PTPRK: variants seen among roughly 807,000 people sequenced by gnomAD.
PTPRK encodes the protein receptor-type tyrosine-protein phosphatase kappa.
PTPRK carries 75 observed loss-of-function variants against 178.0 expected under a neutral mutation model. The ratio of observed to expected loss-of-function variants is 0.42; its 90% CI spans 0.35 to 0.51. The LOEUF (loss-of-function observed/expected upper bound fraction) is 0.51. PTPRK is among the 20% of genes least tolerant of loss of function. PTPRK has a pLI of 0.02. For missense variants in PTPRK, 1,441 were observed against 1,797.8 expected (o/e 0.80, Z 3.59); for synonymous variants, 637 against 620.6 (o/e 1.03, Z -0.39).
intron 7 of PTPRK, among the ~76,000 whole-genome samples, chr6:128,156,815 G>C (rs1019471262): frequency 6.6e-6 from 1 of 151,874 alleles, no homozygotes; most frequent in Non-Finnish European, 1.5e-5. Flanking sequence ...ATTTATACAT[G>C]TGTCTGTATG....
At chr6:128,291,853 G>C (rs1044713270) in intron 3 of PTPRK, among the ~76,000 whole-genome samples, 4 of 152,112 alleles carry the variant, frequency 2.6e-5, no homozygotes, top group Non-Finnish European at 5.9e-5. Context: ...TTATGCTACA[G>C]TGTGGCCCTG....
chr6:128,292,679 G>A (rs1049572480), intron 3 of PTPRK, among the ~76,000 whole-genome samples: 6 of 152,030 alleles, frequency 3.9e-5, no homozygotes, highest in Non-Finnish European at 5.9e-5. Context: ...TAGGGCATCC[G>A]TCCTATGAAT....
At chr6:128,419,309 A>C (rs1402198195) in intron 1 of PTPRK, among the ~76,000 whole-genome samples, 1 of 152,168 alleles carries the variant, frequency 6.6e-6, no homozygotes, top group African/African-American at 2.4e-5. Context: ...TAAATATTAG[A>C]AAGTGAAAAG....
intron 7 of PTPRK, among the ~76,000 whole-genome samples, chr6:128,145,627 AAAC>A (rs1329654108): frequency 1.3e-5 from 2 of 152,302 alleles, no homozygotes; most frequent in African/African-American, 2.4e-5. Flanking sequence ...TGAGATTTAA[AAAC>A]AACAGTGCCA....
chr6:128,101,419 G>T (rs958959279), intron 7 of PTPRK, among the ~76,000 whole-genome samples: 5 of 151,982 alleles, frequency 3.3e-5, no homozygotes, highest in African/African-American at 1.2e-4. Context: ...AGACATCATT[G>T]GCTCTTCTGT....
intron 25 of PTPRK, 98 bp from the exon 26 acceptor site, chr6:127,977,152 A>G: frequency 8.2e-7 from 1 of 1,219,218 alleles, no homozygotes. Flanking sequence ...GACCAGTAAG[A>G]TGCAATAGCT....
At chr6:128,190,801 G>A (rs1159132700) in intron 6 of PTPRK, among the ~76,000 whole-genome samples, 2 of 152,006 alleles carry the variant, frequency 1.3e-5, no homozygotes, top group Non-Finnish European at 2.9e-5. Flanking sequence ...GCCTGGCCTG[G>A]AGACCTTTTT....
chr6:127,987,437 T>A (rs1007354067), intron 21 of PTPRK, among the ~76,000 whole-genome samples: 1 of 152,134 alleles, frequency 6.6e-6, no homozygotes, highest in African/African-American at 2.4e-5. Flanking sequence ...AATCAGGAAC[T>A]ATATCGTTCT....
At chr6:128,144,757 AG>A (rs1583206652) in intron 7 of PTPRK, among the ~76,000 whole-genome samples, 1 of 152,202 alleles carries the variant, frequency 6.6e-6, no homozygotes, top group African/African-American at 2.4e-5. Context: ...GCCACAAAGT[AG>A]GTATTTAATA....
intron 1 of PTPRK, among the ~76,000 whole-genome samples, chr6:128,439,159 T>A (rs2128399416): frequency 6.6e-6 from 1 of 152,248 alleles, no homozygotes; most frequent in African/African-American, 2.4e-5. Flanking sequence ...GAATCAAACA[T>A]TTAGGAGCAA....
chr6:128,223,275 C>T (rs901181612), intron 5 of PTPRK, among the ~76,000 whole-genome samples: 2 of 151,792 alleles, frequency 1.3e-5, no homozygotes, highest in Admixed American at 1.3e-4. Context: ...TCACATAAAT[C>T]CTCCTTAGGC....
At chr6:128,208,707 T>A (rs561285606) in intron 6 of PTPRK, among the ~76,000 whole-genome samples, 1 of 152,166 alleles carries the variant, frequency 6.6e-6, no homozygotes, top group Non-Finnish European at 1.5e-5. Context: ...GGCTAAAGGC[T>A]ATGAAATGGA....
At chr6:128,313,911 A>C (rs1827617367) in intron 3 of PTPRK, among the ~76,000 whole-genome samples, 1 of 152,186 alleles carries the variant, frequency 6.6e-6, no homozygotes, top group Non-Finnish European at 1.5e-5. Context: ...CCCTTGATAA[A>C]AATTATCTGA....
chr6:128,275,894 C>T (rs1458985202), intron 3 of PTPRK, among the ~76,000 whole-genome samples: 2 of 151,838 alleles, frequency 1.3e-5, no homozygotes, highest in Non-Finnish European at 1.5e-5. Context: ...TTTTCTTTGC[C>T]ACATGATATA....
intron 7 of PTPRK, among the ~76,000 whole-genome samples, chr6:128,177,792 G>A (rs1402042453): frequency 6.6e-6 from 1 of 151,754 alleles, no homozygotes; most frequent in Non-Finnish European, 1.5e-5. Flanking sequence ...TTAGCAGAAT[G>A]TATAGGTGTT....
intron 15 of PTPRK, chr6:128,001,250 G>C: frequency 1.4e-6 from 2 of 1,471,358 alleles, no homozygotes; most frequent in East Asian, 2.5e-5. Context: ...CCAAAAATAC[G>C]AATCAGTATG....
intron 2 of PTPRK, among the ~76,000 whole-genome samples, chr6:128,330,773 C>T (rs1830158385): frequency 6.6e-6 from 1 of 152,024 alleles, no homozygotes; most frequent in South Asian, 2.1e-4. Flanking sequence ...CTGGTGCCTG[C>T]CTTCCTCTCC....
intron 2 of PTPRK, among the ~76,000 whole-genome samples, chr6:128,341,406 A>T (rs1831640242): frequency 6.6e-6 from 1 of 152,202 alleles, no homozygotes; most frequent in Admixed American, 6.5e-5. Context: ...ACTCAGACTC[A>T]AACAGAATTT....
At chr6:128,355,151 ATGT>A (rs1367474381) in intron 2 of PTPRK, among the ~76,000 whole-genome samples, 1 of 152,236 alleles carries the variant, frequency 6.6e-6, no homozygotes, top group East Asian at 1.9e-4. Flanking sequence ...CATTCTTTAA[ATGT>A]TGTTTACAAT....
Sources: gnomAD v4.1 joint callset for allele counts (sites outside exome capture counted in the v4.1 genomes callset) on GRCh38, gnomAD v4.1.1 for gene constraint, MANE v1.5 for transcripts, NCBI Gene and HGNC (gene_info 2026-07-23, HGNC 2026-07-21) for gene names.